The following FSTL5 variants were observed in gnomAD, a reference collection of about 807,000 sequenced individuals.
The protein encoded by FSTL5 is follistatin like 5, also known as follistatin-related protein 5.
In FSTL5, 62 loss-of-function variants were observed where a neutral mutation model predicts 89.1. The ratio of observed to expected loss-of-function variants is 0.70; its 90% confidence interval spans 0.57 to 0.86. The LOEUF is 0.86. FSTL5 is among the 40% of genes least tolerant of loss of function. The pLI, the probability that FSTL5 is intolerant of heterozygous loss-of-function variation, is 0.00. For synonymous variants in FSTL5, 383 were observed against 346.2 expected, an observed-to-expected ratio of 1.11 and a Z score of -1.18; for missense variants, 1,057 against 1,001.6, an observed-to-expected ratio of 1.06 and a Z score of -0.75.
intron 13 of FSTL5, among the ~76,000 whole-genome samples, chr4:161,468,898 AT>A (rs1164620269): frequency 1.3e-5 from 2 of 151,722 alleles, no homozygotes; most frequent in African/African-American, 4.8e-5. Context: ...TTTCATTAGT[AT>A]TTTTTTCATT....
intron 7 of FSTL5, among the ~76,000 whole-genome samples, chr4:161,602,089 T>C (rs939822087): frequency 6.6e-5 from 10 of 151,576 alleles, no homozygotes; most frequent in African/African-American, 1.9e-4. Flanking sequence ...AAGAAATCCA[T>C]GAATGGTTGG....
intron 9 of FSTL5, among the ~76,000 whole-genome samples, chr4:161,539,838 A>C (rs1731755571): frequency 6.6e-6 from 1 of 152,052 alleles, no homozygotes. Context: ...GGTAGTAAAC[A>C]ATGTATTTAC....
chr4:161,663,271 A>T (rs1736777015), intron 6 of FSTL5, among the ~76,000 whole-genome samples: 1 of 152,146 alleles, frequency 6.6e-6, no homozygotes, highest in East Asian at 1.9e-4. Flanking sequence ...TTAACCCAAA[A>T]GTCCACAGTC....
chr4:161,916,360 T>C (rs1377021725), intron 4 of FSTL5, among the ~76,000 whole-genome samples: 1 of 152,168 alleles, frequency 6.6e-6, no homozygotes, highest in Non-Finnish European at 1.5e-5. Flanking sequence ...GTAGTATAGA[T>C]GTTTTGTATG....
At chr4:161,916,524 G>T (rs928358712) in intron 4 of FSTL5, among the ~76,000 whole-genome samples, 2 of 152,102 alleles carry the variant, frequency 1.3e-5, no homozygotes, top group African/African-American at 4.8e-5. Flanking sequence ...TATAAAAATA[G>T]AATGTTTTAT....
At chr4:162,153,264 G>T (rs964436772) in intron 1 of FSTL5, among the ~76,000 whole-genome samples, 5 of 151,940 alleles carry the variant, frequency 3.3e-5, no homozygotes, top group African/African-American at 1.2e-4. Context: ...GAATGATAAG[G>T]AATCTTAACT....
chr4:161,868,998 G>A (rs1450526094), intron 4 of FSTL5, among the ~76,000 whole-genome samples: 1 of 152,100 alleles, frequency 6.6e-6, no homozygotes, highest in Non-Finnish European at 1.5e-5. Context: ...GAGAGAGGCG[G>A]ATCACCTGAG....
chr4:161,845,492 G>T (rs1731339487), intron 4 of FSTL5, among the ~76,000 whole-genome samples: 1 of 152,116 alleles, frequency 6.6e-6, no homozygotes, highest in Admixed American at 6.5e-5. Flanking sequence ...TATCAAGGTT[G>T]ATTACTCATT....
Position 161,498,005 on chromosome 4 carries a change from T to C in FSTL5, c.1458+2011A>G, listed in dbSNP as rs565716838. On this transcript the variant is annotated intron_variant, in intron 12 of 15. Coordinates refer to ENST00000306100, the MANE Select transcript of FSTL5 (RefSeq NM_020116.5). The stretch of plus-strand genomic sequence containing the variant: ...ATTTATTTCTCTATGTATGCATACA[T>C]AAACATATATGTATACATAGAGACC... 2.0e-3 allele frequency among the ~76,000 whole-genome samples: 304 copies of C among 151,892 alleles called. 1 individual carries two copies. The highest frequency in any genetic ancestry group is 6.6e-3 in the African/African-American group (275 of 41,520).
chr4:161,465,681 A>G (rs1733725202), intron 13 of FSTL5, among the ~76,000 whole-genome samples: 1 of 152,206 alleles, frequency 6.6e-6, no homozygotes, highest in African/African-American at 2.4e-5. Context: ...GTAGCTGGCA[A>G]TTTGAACCCC....
intron 10 of FSTL5, among the ~76,000 whole-genome samples, chr4:161,522,857 AT>A (rs1202705980): frequency 6.6e-6 from 1 of 151,808 alleles, no homozygotes; most frequent in Non-Finnish European, 1.5e-5. Flanking sequence ...TAAATAAAAA[AT>A]ATCTCATTTA....
At chr4:161,757,772 C>G (rs1292635747) in intron 6 of FSTL5, among the ~76,000 whole-genome samples, 2 of 152,018 alleles carry the variant, frequency 1.3e-5, no homozygotes, top group African/African-American at 4.8e-5. Context: ...GCGCCTGCCA[C>G]CAAGCCCGAC....
In FSTL5 at chr4:161,448,947, G is replaced by C. The variant is rs369407238; in HGVS notation, c.1841+6057C>G. 7.9e-5 allele frequency among the ~76,000 whole-genome samples: 12 copies of C among 152,196 alleles called. No individual in the cohort carries two copies. In the South Asian group the frequency reaches 1.9e-3, roughly 24 times the overall value. On this transcript the variant is annotated intron_variant, in intron 15 of 15. Transcript: ENST00000306100. The stretch of plus-strand genomic sequence containing the variant: ...AAGTCCAAACCAGTACCATCTTGGG[G>C]TGTGGTGCTGGGGAGGGTAGGCATG...
intron 15 of FSTL5, among the ~76,000 whole-genome samples, chr4:161,451,958 T>A (rs1290085133): frequency 3.3e-5 from 5 of 152,166 alleles, no homozygotes; most frequent in African/African-American, 1.2e-4. Flanking sequence ...TATAAATTAT[T>A]TGAAATAAGT....
chr4:161,764,704 C>T (rs1451283060), intron 5 of FSTL5, among the ~76,000 whole-genome samples: 1 of 152,124 alleles, frequency 6.6e-6, no homozygotes, highest in Non-Finnish European at 1.5e-5. Flanking sequence ...TCATTATTTT[C>T]ATTAAACCAC....
intron 7 of FSTL5, among the ~76,000 whole-genome samples, chr4:161,595,132 G>A (rs1467158768): frequency 6.6e-6 from 1 of 151,940 alleles, no homozygotes; most frequent in Non-Finnish European, 1.5e-5. Context: ...TACGTTTTGA[G>A]TTTTGTTATA....
intron 2 of FSTL5, among the ~76,000 whole-genome samples, chr4:162,100,007 G>T (rs900034761): frequency 4.6e-5 from 7 of 152,126 alleles, no homozygotes; most frequent in African/African-American, 7.2e-5. Context: ...AATACAGTTT[G>T]GCAGTTTCTT....
intron 7 of FSTL5, among the ~76,000 whole-genome samples, chr4:161,623,711 C>T (rs1399224688): frequency 7.9e-5 from 12 of 151,714 alleles, no homozygotes; most frequent in African/African-American, 2.9e-4. Flanking sequence ...AAAACTATTT[C>T]TGGCATGATA....
intron 4 of FSTL5, among the ~76,000 whole-genome samples, chr4:161,848,382 T>A (rs1363911773): frequency 7.2e-5 from 11 of 152,152 alleles, no homozygotes. Context: ...TTAAGTCTTT[T>A]AACACTTTTC....
Sources: allele counts gnomAD v4.1 joint callset (sites outside exome capture counted in the v4.1 genomes callset), GRCh38; gene constraint gnomAD v4.1.1; transcripts MANE v1.5; gene names NCBI Gene and HGNC (gene_info 2026-07-23, HGNC 2026-07-21).